The following AFAP1 variants were observed in gnomAD, a reference collection of about 807,000 sequenced individuals.
The protein encoded by AFAP1 is actin filament associated protein 1.
Under a neutral mutation model 93.9 loss-of-function variants are expected in AFAP1, and 75 were observed. That is an observed-to-expected ratio of 0.80 (90% CI 0.66 to 0.97). AFAP1 has a LOEUF of 0.97. Ranked by LOEUF, AFAP1 falls within the 50% of genes least tolerant of loss-of-function variation. The pLI is 0.00. For synonymous variants in AFAP1, 517 were observed against 430.7 expected (o/e 1.20, Z -2.48); for missense variants, 1,201 against 1,050.8 (o/e 1.14, Z -1.98).
At chr4:7,866,506 C>T (rs1229508764) in intron 3 of AFAP1, among the ~76,000 whole-genome samples, 1 of 152,208 alleles carries the variant, frequency 6.6e-6, no homozygotes, top group Admixed American at 6.5e-5. Context: ...CCAGCTGCTT[C>T]TAACTGTTCT....
intron 3 of AFAP1, among the ~76,000 whole-genome samples, chr4:7,859,397 C>A (rs1237463784): frequency 6.6e-6 from 1 of 151,776 alleles, no homozygotes; most frequent in Non-Finnish European, 1.5e-5. Context: ...CCAGCCTGGG[C>A]AACAGAGCAA....
At chr4:7,816,762 G>A (rs770933761) in intron 7 of AFAP1, among the ~76,000 whole-genome samples, 8 of 152,280 alleles carry the variant, frequency 5.3e-5, no homozygotes, top group Non-Finnish European at 1.0e-4. Flanking sequence ...TCCAAACACC[G>A]TCCTCAGAGC....
chr4:7,892,643 C>G (rs1190873557), intron 1 of AFAP1, among the ~76,000 whole-genome samples: 1 of 152,194 alleles, frequency 6.6e-6, no homozygotes, highest in East Asian at 1.9e-4. Flanking sequence ...CTGATTAACA[C>G]GGGATCTGGT....
intron 1 of AFAP1, among the ~76,000 whole-genome samples, chr4:7,901,577 T>G (rs1719118026): frequency 6.6e-6 from 1 of 152,086 alleles, no homozygotes; most frequent in Non-Finnish European, 1.5e-5. Flanking sequence ...GGCCATTCAC[T>G]TTGTGAGAGA....
In AFAP1 at chr4:7,800,586, G is replaced by T. The variant is rs1223808824; in HGVS notation, c.1122C>A (p.Leu374=). ...GGTCGGTCCTGTCCTTGTGGAAAAT[G>T]AGCTTGTTATCTTTCACTCGGCACC... ...ERWCRVKDNK[L]IFHKDRTDLK... The change falls in exon 10 of 18, where the codon CTC becomes CTA. Residue 374 remains leucine, a synonymous_variant. Coordinates refer to ENST00000420658, the MANE Select transcript of AFAP1 (RefSeq NM_001134647.2). The T allele has an allele frequency of 6.2e-7, 1 of 1,614,172 alleles. No homozygotes were observed. Among genetic ancestry groups the T allele is most frequent in the East Asian group, 2.2e-5 (1 of 44,888 alleles).
At chr4:7,772,198 C>T (rs1715536913) in intron 16 of AFAP1, 1 of 152,278 alleles carries the variant, frequency 6.6e-6, no homozygotes, top group Admixed American at 6.5e-5. Flanking sequence ...TCTGTCTGCC[C>T]TGCAGGCGTG....
At chr4:7,826,465 G>A (rs994982477) in intron 6 of AFAP1, among the ~76,000 whole-genome samples, 5 of 152,230 alleles carry the variant, frequency 3.3e-5, no homozygotes, top group East Asian at 3.9e-4. Flanking sequence ...GAGGGATTTC[G>A]CCCAAGGCAC....
Position 7,774,795 on chromosome 4 carries a change from A to G in AFAP1, c.2006T>C (p.Leu669Pro). 1.9e-6 allele frequency: 3 copies of G among 1,614,200 alleles called. No homozygotes were observed. The highest frequency in any genetic ancestry group is 2.5e-6 in the Non-Finnish European group (3 of 1,180,038). Residue 669 changes from leucine to proline, a missense_variant, in exon 15 of 18, where the codon CTG becomes CCG. Leu to Pro is a moderately conservative substitution (Grantham distance 98). Transcript: ENST00000420658. ...LKRKEALRNR[L>P]AQLRKERKDL... ...TTTTCTTTCCTTGCGGAGCTGGGCC[A>G]GCCTATTCCGCAGGGCCTCTTTCCT...
chr4:7,856,097 C>T (rs779829669), intron 3 of AFAP1, among the ~76,000 whole-genome samples: 12 of 152,284 alleles, frequency 7.9e-5, no homozygotes, highest in East Asian at 3.9e-4. Context: ...GCTGAGTGCA[C>T]GAGTGAGGCT....
intron 14 of AFAP1, chr4:7,778,203 T>TTA (rs747079476): frequency 3.7e-4 from 59 of 161,128 alleles, no homozygotes; most frequent in Non-Finnish European, 6.8e-4. Flanking sequence ...ATGCCTATGC[T>TTA]TACAAAGTGG....
chr4:7,830,878 G>C (rs910461628), intron 6 of AFAP1, among the ~76,000 whole-genome samples: 28 of 152,086 alleles, frequency 1.8e-4, no homozygotes, highest in African/African-American at 6.5e-4. Flanking sequence ...CAAAGCACTG[G>C]GATTACAGAA....
At chr4:7,830,432 G>C (rs752453300) in intron 6 of AFAP1, among the ~76,000 whole-genome samples, 1 of 152,164 alleles carries the variant, frequency 6.6e-6, no homozygotes, top group Non-Finnish European at 1.5e-5. Context: ...GCCTGCAGTA[G>C]CAACAGCCCG....
intron 1 of AFAP1, among the ~76,000 whole-genome samples, chr4:7,899,852 C>CT (rs1221773414): frequency 4.6e-5 from 5 of 107,720 alleles, no homozygotes; most frequent in African/African-American, 1.6e-4. Flanking sequence ...GGGTTGTGCT[C>CT]TTTAAAAATA....
At position 7,819,108 on chromosome 4, in the gene AFAP1, T is replaced by A. The variant is rs371311477; in HGVS notation, c.790A>T (p.Ser264Cys). 3.1e-6 allele frequency: 5 copies of A among 1,613,604 alleles called. No homozygotes were observed. The Admixed American group carries it at 5.0e-5, about 16-fold the overall frequency. ...AGTTCTGCCTTGTGCACCGGGGAGCTTGGTGGAGGAGGACACTCTGAATCC... is the reference window on the plus strand; with the variant it reads ...AGTTCTGCCTTGTGCACCGGGGAGCATGGTGGAGGAGGACACTCTGAATCC... ...PVDSECPPPP[S>C]SPVHKAELEK... The change falls in exon 7 of 18, where the codon AGC becomes TGC. Residue 264 changes from serine (S) to cysteine (C), a missense_variant. Physicochemically the swap from Ser to Cys is moderately radical, Grantham distance 112. Coordinates refer to ENST00000420658, the MANE Select transcript of AFAP1 (RefSeq NM_001134647.2).
chr4:7,892,256 C>T (rs935009197), intron 1 of AFAP1, among the ~76,000 whole-genome samples: 1 of 152,144 alleles, frequency 6.6e-6, no homozygotes, highest in African/African-American at 2.4e-5. Flanking sequence ...TTAAGAACTA[C>T]ACAGGCCTCT....
At chr4:7,937,100 A>G (rs1284368027) in intron 1 of AFAP1, among the ~76,000 whole-genome samples, 3 of 152,254 alleles carry the variant, frequency 2.0e-5, no homozygotes, top group Non-Finnish European at 4.4e-5. Flanking sequence ...AACCAATTGG[A>G]TATAGTGAAG....
chr4:7,822,586 CTTT>C (rs5855982), intron 6 of AFAP1, among the ~76,000 whole-genome samples: 2 of 132,570 alleles, frequency 1.5e-5, no homozygotes, highest in East Asian at 2.3e-4. Context: ...TTTCTTTTTT[CTTT>C]TTTTTTTTTT....
At chr4:7,886,806 T>C (rs1019137932) in intron 1 of AFAP1, among the ~76,000 whole-genome samples, 6 of 152,230 alleles carry the variant, frequency 3.9e-5, no homozygotes, top group South Asian at 2.1e-4. Flanking sequence ...GAGAAGGTTA[T>C]TGACATAAAC....
chr4:7,921,901 G>A (rs185929379), intron 1 of AFAP1, among the ~76,000 whole-genome samples: 8 of 152,300 alleles, frequency 5.3e-5, no homozygotes, highest in Admixed American at 4.6e-4. Flanking sequence ...TGAGGCAGGC[G>A]ATCACGAGGC....
Sources: allele counts gnomAD v4.1 joint callset (sites outside exome capture counted in the v4.1 genomes callset), GRCh38; gene constraint gnomAD v4.1.1; transcripts MANE v1.5; gene names NCBI Gene and HGNC (gene_info 2026-07-23, HGNC 2026-07-21).